Variants in ZFPM2 observed in about 807,000 individuals in gnomAD.
The protein encoded by ZFPM2 is zinc finger protein ZFPM2.
A neutral mutation model predicts 98.6 loss-of-function variants in ZFPM2; 20 were observed. That is an observed-to-expected ratio of 0.20 (90% CI 0.14 to 0.29). ZFPM2 has a LOEUF of 0.29. Ranked by LOEUF, ZFPM2 falls within the 10% of genes least tolerant of loss-of-function variation. The pLI is 1.00. For synonymous variants in ZFPM2, 518 were observed against 502.7 expected, an observed-to-expected ratio of 1.03 and a Z score of -0.41; for missense variants, 1,310 against 1,388.6, an observed-to-expected ratio of 0.94 and a Z score of 0.90.
At chr8:105,373,797 C>T (rs1810669580) in intron 1 of ZFPM2, among the ~76,000 whole-genome samples, 2 of 152,058 alleles carry the variant, frequency 1.3e-5, no homozygotes. Flanking sequence ...AAGGAAAACG[C>T]TGTCCCTCTG....
chr8:105,594,668 C>A (rs1204400715), intron 4 of ZFPM2, among the ~76,000 whole-genome samples: 1 of 152,056 alleles, frequency 6.6e-6, no homozygotes, highest in African/African-American at 2.4e-5. Flanking sequence ...AATTAATGTA[C>A]AAATTATGGA....
At chr8:105,795,890 G>A (rs1447526523) in intron 6 of ZFPM2, 2 of 364,640 alleles carry the variant, frequency 5.5e-6, no homozygotes, top group Non-Finnish European at 1.1e-5. Flanking sequence ...AGATTCTGAA[G>A]TTAGTAGGTA....
chr8:105,456,072 A>G (rs1025456103), intron 3 of ZFPM2, among the ~76,000 whole-genome samples: 1 of 151,902 alleles, frequency 6.6e-6, no homozygotes, highest in Non-Finnish European at 1.5e-5. Flanking sequence ...CTTTAGGGGA[A>G]GGCTAGAGGA....
At chr8:105,649,895 T>C (rs745939583) in intron 5 of ZFPM2, among the ~76,000 whole-genome samples, 5 of 152,244 alleles carry the variant, frequency 3.3e-5, no homozygotes, top group Non-Finnish European at 5.9e-5. Flanking sequence ...GCTGGCCTCA[T>C]AGACTGAGTT....
intron 5 of ZFPM2, among the ~76,000 whole-genome samples, chr8:105,726,470 A>G (rs1161790145): frequency 1.3e-5 from 2 of 151,780 alleles, no homozygotes; most frequent in Non-Finnish European, 2.9e-5. Context: ...AATTCCAGAA[A>G]TGTTCTAGGC....
intron 1 of ZFPM2, among the ~76,000 whole-genome samples, chr8:105,339,253 G>C (rs1229938987): frequency 6.6e-6 from 1 of 151,718 alleles, no homozygotes; most frequent in African/African-American, 2.4e-5. Context: ...TCAGCCCCTG[G>C]CATCTTATTC....
At chr8:105,750,608 A>C (rs1812453399) in intron 5 of ZFPM2, among the ~76,000 whole-genome samples, 1 of 152,072 alleles carries the variant, frequency 6.6e-6, no homozygotes, top group Non-Finnish European at 1.5e-5. Flanking sequence ...TTGAGAGATC[A>C]GAGATTTTAC....
chr8:105,487,941 GCTAGCTAGCTAT>G (rs1488152402), intron 3 of ZFPM2, among the ~76,000 whole-genome samples: 2 of 86,406 alleles, frequency 2.3e-5, no homozygotes, highest in Non-Finnish European at 5.7e-5. Flanking sequence ...TAGCTAGCTA[GCTAGCTAGCTAT>G]CTGTCATGTC....
At chr8:105,636,853 C>T (rs1816856368) in intron 5 of ZFPM2, among the ~76,000 whole-genome samples, 1 of 152,138 alleles carries the variant, frequency 6.6e-6, no homozygotes, top group Admixed American at 6.6e-5. Context: ...AGTTCAAATG[C>T]CAGAACTGTA....
intron 1 of ZFPM2, among the ~76,000 whole-genome samples, chr8:105,416,450 T>A (rs1425566372): frequency 1.3e-5 from 2 of 151,682 alleles, no homozygotes; most frequent in Non-Finnish European, 2.9e-5. Context: ...AATTAAACAT[T>A]GTATAATATG....
intron 3 of ZFPM2, among the ~76,000 whole-genome samples, chr8:105,452,300 TC>T (rs963546745): frequency 2.0e-4 from 31 of 152,310 alleles, no homozygotes; most frequent in African/African-American, 6.0e-4. Context: ...CCCAGTTGTG[TC>T]CACTAACAGG....
chr8:105,571,598 G>A (rs1563724878), intron 4 of ZFPM2, among the ~76,000 whole-genome samples: 1 of 152,140 alleles, frequency 6.6e-6, no homozygotes, highest in Admixed American at 6.5e-5. Context: ...AAAACAATTA[G>A]TTTGGCAGGA....
chr8:105,375,980 T>C (rs1034111844), intron 1 of ZFPM2, among the ~76,000 whole-genome samples: 9 of 152,174 alleles, frequency 5.9e-5, no homozygotes, highest in African/African-American at 2.2e-4. Flanking sequence ...CTCTATGCCC[T>C]ATTTAGAGCA....
intron 5 of ZFPM2, among the ~76,000 whole-genome samples, chr8:105,760,277 G>T (rs1448591238): frequency 2.6e-5 from 4 of 151,894 alleles, no homozygotes; most frequent in Non-Finnish European, 4.4e-5. Flanking sequence ...TAGTTAGGGG[G>T]TTGTATCTTT....
chr8:105,587,634 A>ATT (rs112214498), intron 4 of ZFPM2, among the ~76,000 whole-genome samples: 5 of 151,894 alleles, frequency 3.3e-5, no homozygotes, highest in Non-Finnish European at 5.9e-5. Flanking sequence ...TGAAGAGCAC[A>ATT]TTTTTTTTGC....
At chr8:105,355,265 T>G (rs1449324860) in intron 1 of ZFPM2, among the ~76,000 whole-genome samples, 4 of 152,234 alleles carry the variant, frequency 2.6e-5, no homozygotes, top group Non-Finnish European at 5.9e-5. Flanking sequence ...ACAAGCTATT[T>G]TTATTCTAAC....
At chr8:105,714,945 AAAG>A (rs1811483373) in intron 5 of ZFPM2, among the ~76,000 whole-genome samples, 1 of 152,156 alleles carries the variant, frequency 6.6e-6, no homozygotes, top group South Asian at 2.1e-4. Flanking sequence ...CTATTTCAAT[AAAG>A]AAGTTGCTTA....
chr8:105,563,896 A>C (rs1815190970), intron 4 of ZFPM2, among the ~76,000 whole-genome samples: 1 of 152,140 alleles, frequency 6.6e-6, no homozygotes, highest in African/African-American at 2.4e-5. Flanking sequence ...TGCAAGATGA[A>C]CATTTTCCAG....
At chr8:105,784,110 G>A (rs566447848) in intron 5 of ZFPM2, among the ~76,000 whole-genome samples, 6 of 152,128 alleles carry the variant, frequency 3.9e-5, no homozygotes, top group African/African-American at 1.4e-4. Flanking sequence ...TAAGGTCAAA[G>A]GGTACAAGAT....
Sources: allele counts gnomAD v4.1 joint callset (sites outside exome capture counted in the v4.1 genomes callset), GRCh38; gene constraint gnomAD v4.1.1; transcripts MANE v1.5; gene names NCBI Gene and HGNC (gene_info 2026-07-23, HGNC 2026-07-21).